ATRX: variants seen among roughly 807,000 people sequenced by gnomAD.
The protein encoded by ATRX is ATRX chromatin remodeler, also known as chromatin remodeler ATRX.
ATRX carries 12 observed loss-of-function variants against 172.6 expected under a neutral mutation model. That is an observed-to-expected ratio of 0.07 (90% CI 0.04 to 0.11). The LOEUF (loss-of-function observed/expected upper bound fraction) is 0.11. Among genes scored for constraint, ATRX ranks in the 10% least tolerant of loss-of-function variants. ATRX has a pLI of 1.00. For missense variants in ATRX, 1,368 were observed against 1,767.4 expected (o/e 0.77, Z 4.05); for synonymous variants, 674 against 594.7 (o/e 1.13, Z -1.94).
intron 30 of ATRX, among the ~76,000 whole-genome samples, chrX:77,551,644 C>T (rs987212286): frequency 3.6e-5 from 4 of 111,622 alleles, no homozygotes; most frequent in Admixed American, 9.5e-5. Flanking sequence ...AAAGAGCCTC[C>T]GCACAGCAAA....
chrX:77,600,869 A>C (rs782514915), intron 22 of ATRX: 23 of 207,684 alleles, frequency 1.1e-4, no homozygotes, highest in South Asian at 1.1e-3. Flanking sequence ...AAGTATTGAT[A>C]AACATAAATG....
chrX:77,567,409 A>G (rs1458347056), intron 28 of ATRX, among the ~76,000 whole-genome samples: 2 of 111,825 alleles, frequency 1.8e-5, no homozygotes, highest in African/African-American at 6.5e-5. Context: ...AAAAGGATGA[A>G]AAACTATATA....
intron 15 of ATRX, among the ~76,000 whole-genome samples, chrX:77,645,497 A>G (rs782195614): frequency 1.5e-4 from 17 of 111,495 alleles, no homozygotes; most frequent in Non-Finnish European, 2.3e-4. Context: ...ACAAGTTAAG[A>G]CACTCCTAAG....
At chrX:77,592,235 A>C (rs2148107499) in intron 26 of ATRX, among the ~76,000 whole-genome samples, 1 of 108,795 alleles carries the variant, frequency 9.2e-6, no homozygotes, top group Admixed American at 9.9e-5. Flanking sequence ...AACGTGGTGA[A>C]ACCCCGTCTC....
chrX:77,649,237 T>C (rs952806522), intron 15 of ATRX, among the ~76,000 whole-genome samples: 1 of 110,535 alleles, frequency 9.0e-6, no homozygotes, highest in Non-Finnish European at 1.9e-5. Context: ...GATCAGCAAA[T>C]GCAATACAAT....
chrX:77,635,211 G>A (rs2068290120), intron 16 of ATRX, among the ~76,000 whole-genome samples: 1 of 111,562 alleles, frequency 9.0e-6, no homozygotes, highest in South Asian at 3.8e-4. Context: ...CTTGAGGCCA[G>A]GAGGCAGAGA....
chrX:77,585,602 A>AAAAAAAAAAAAAAAC (rs2065984625), intron 27 of ATRX, among the ~76,000 whole-genome samples: 1 of 90,142 alleles, frequency 1.1e-5, no homozygotes, highest in Non-Finnish European at 2.2e-5. Flanking sequence ...AAAAAAAAAA[A>AAAAAAAAAAAAAAAC]AAAAAAAAAA....
intron 30 of ATRX, among the ~76,000 whole-genome samples, chrX:77,548,446 C>G (rs1557054259): frequency 1.3e-4 from 14 of 111,474 alleles, no homozygotes; most frequent in Non-Finnish European, 1.9e-5. Context: ...ACAATGACAT[C>G]AAACCTTATA....
chrX:77,523,396 G>A lies in ATRX; in HGVS notation c.6705C>T (p.Thr2235=), dbSNP rs1557042454. The change falls in exon 31 of 35, where the codon ACC becomes ACT. Residue 2235 remains threonine, a synonymous_variant. Transcript: ENST00000373344. The part of the protein sequence containing the change: ...KRDTPMLPKD[T]ILAELLQIHK... ...GTATCTGAAGGAGCTCTGCAAGTAT[G>A]GTATCCTGTTTAGAGGGGTTGAAAT... 1.7e-6 allele frequency: 2 copies of A among 1,206,875 alleles called. No homozygotes were observed. The highest frequency in any genetic ancestry group is 2.2e-6 in the Non-Finnish European group (2 of 891,736).
chrX:77,688,817 C>T lies in ATRX; in HGVS notation c.594+1G>A. The T allele has an allele frequency of 8.5e-7, 1 of 1,177,664 alleles. No homozygotes were observed. Among genetic ancestry groups the T allele is most frequent in the Non-Finnish European group, 1.2e-6 (1 of 864,901 alleles). On this transcript the variant is annotated splice_donor_variant, in intron 7 of 34. Coordinates refer to ENST00000373344, the MANE Select transcript of ATRX (RefSeq NM_000489.6). LOFTEE classifies it high-confidence loss of function. The stretch of plus-strand genomic sequence containing the variant: ...TGAAATATCAACAGATCATTACATA[C>T]CTTACAAATAAGAACTTGCAATGAA...
chrX:77,712,078 C>T (rs1347704151), intron 2 of ATRX, among the ~76,000 whole-genome samples: 1 of 111,876 alleles, frequency 8.9e-6, no homozygotes, highest in Non-Finnish European at 1.9e-5. Flanking sequence ...ACTCATGTTA[C>T]AGCTGCTGTG....
chrX:77,521,674 G>C (rs889694210), intron 32 of ATRX, 176 bp from the exon 33 acceptor site: 48 of 388,677 alleles, frequency 1.2e-4, no homozygotes, highest in Admixed American at 2.6e-4. Flanking sequence ...AATGCTCAAA[G>C]AGTCTTGTTA....
At chrX:77,685,209 G>C (rs782801968) in intron 7 of ATRX, among the ~76,000 whole-genome samples, 2 of 112,073 alleles carry the variant, frequency 1.8e-5, no homozygotes, top group African/African-American at 6.5e-5. Context: ...AAGTTAAAAA[G>C]CTTCTGCACA....
intron 1 of ATRX, among the ~76,000 whole-genome samples, chrX:77,773,835 A>C (rs2076252114): frequency 8.9e-6 from 1 of 111,913 alleles, no homozygotes; most frequent in African/African-American, 3.2e-5. Flanking sequence ...TGTGCTGTGA[A>C]GGACAAAACA....
rs2062763473 is a variant in ATRX at position 77,508,621 on chromosome X, G to A, written c.7209C>T (p.Ser2403=). ...DVLTKQQMLI[S]CVQRILMNRR... ...TGTTCATAAGTATTCGCTGAACACA[G>A]CTGATTAACTATAGAGAAAAAATGG... Residue 2403 remains serine, a synonymous_variant, in exon 35 of 35, where the codon AGC becomes AGT. Transcript: ENST00000373344. 1 of 1,210,040 alleles carries A rather than the reference G, an allele frequency of 8.3e-7. No homozygotes were observed. The highest frequency in any genetic ancestry group is 1.1e-6 in the Non-Finnish European group (1 of 895,205).
intron 27 of ATRX, among the ~76,000 whole-genome samples, chrX:77,577,338 G>A (rs1342996286): frequency 9.0e-6 from 1 of 111,175 alleles, no homozygotes; most frequent in African/African-American, 3.3e-5. Flanking sequence ...TCTCATTACA[G>A]TTTTCATTTG....
chrX:77,739,107 C>T (rs1340966077), intron 1 of ATRX, among the ~76,000 whole-genome samples: 1 of 110,473 alleles, frequency 9.1e-6, no homozygotes, highest in Non-Finnish European at 1.9e-5. Flanking sequence ...ACACATGAAC[C>T]CAATTTGTAG....
chrX:77,542,037 C>T (rs1007215917), intron 30 of ATRX, among the ~76,000 whole-genome samples: 44 of 111,839 alleles, frequency 3.9e-4, no homozygotes, highest in African/African-American at 1.4e-3. Context: ...TGTCTGTTTG[C>T]AGACAACATG....
chrX:77,599,316 G>T (rs782418797), intron 25 of ATRX, 95 bp downstream of exon 25: 12 of 970,616 alleles, frequency 1.2e-5, no homozygotes, highest in Non-Finnish European at 1.8e-5. Context: ...ATTCCTTTGA[G>T]TCAATTAGTC....
Sources: gnomAD v4.1 joint callset for allele counts (sites outside exome capture counted in the v4.1 genomes callset) on GRCh38, gnomAD v4.1.1 for gene constraint, MANE v1.5 for transcripts, NCBI Gene and HGNC (gene_info 2026-07-23, HGNC 2026-07-21) for gene names.